Variants in GGTA1 observed in about 807,000 individuals in gnomAD.
The protein encoded by GGTA1 is glycoprotein alpha-galactosyltransferase 1 (inactive).
GGTA1 carries 5 observed loss-of-function variants against 2.6 expected under a neutral mutation model. That is an observed-to-expected ratio of 1.92 (90% CI 1.00 to 4.04). The LOEUF is 4.04. Among genes scored for constraint, GGTA1 ranks in the 30% most tolerant of loss-of-function variants. GGTA1 has a pLI of 0.00. For missense variants in GGTA1, 50 were observed against 16.7 expected, an observed-to-expected ratio of 2.99 and a Z score of -3.47; for synonymous variants, 17 against 5.0, an observed-to-expected ratio of 3.38 and a Z score of -3.19.
chr9:121,465,536 A>G (rs148299352), intron 2 of GGTA1, among the ~76,000 whole-genome samples: 52 of 152,312 alleles, frequency 3.4e-4, no homozygotes, highest in African/African-American at 1.2e-3. Context: ...AATTAGGTTT[A>G]GATGAGGTCG....
chr9:121,461,798 A>G (rs1291087011), intron 3 of GGTA1, among the ~76,000 whole-genome samples: 1 of 152,250 alleles, frequency 6.6e-6, no homozygotes, highest in Non-Finnish European at 1.5e-5. Flanking sequence ...TGACTGTAAC[A>G]AGTTATACGC....
chr9:121,496,757 A>AAGAGAG (rs1564659495), intron 1 of GGTA1, among the ~76,000 whole-genome samples: 32 of 111,996 alleles, frequency 2.9e-4, no homozygotes, highest in Non-Finnish European at 4.3e-4. Context: ...AAAAAAAAAA[A>AAGAGAG]AGAGAGAGAG....
chr9:121,486,458 A>G (rs1414176656), intron 1 of GGTA1, among the ~76,000 whole-genome samples: 2 of 151,926 alleles, frequency 1.3e-5, no homozygotes, highest in Admixed American at 6.6e-5. Context: ...AGCAGTCAGG[A>G]CTCCTGGGCT....
chr9:121,479,606 A>G (rs889393176), intron 1 of GGTA1, among the ~76,000 whole-genome samples: 1 of 152,144 alleles, frequency 6.6e-6, no homozygotes, highest in Non-Finnish European at 1.5e-5. Flanking sequence ...GGCCCACATC[A>G]CACACTACTG....
chr9:121,493,029 G>A (rs181317507), intron 1 of GGTA1, among the ~76,000 whole-genome samples: 1 of 151,904 alleles, frequency 6.6e-6, no homozygotes, highest in African/African-American at 2.4e-5. Flanking sequence ...CTGTACTTGG[G>A]AGGCTGAGAT....
chr9:121,448,513 T>G (rs1021980392), intron 7 of GGTA1, among the ~76,000 whole-genome samples: 2 of 152,276 alleles, frequency 1.3e-5, no homozygotes, highest in East Asian at 1.9e-4. Flanking sequence ...ATGAGCAACT[T>G]CTGATTTAAC....
chr9:121,492,222 T>G (rs1023645710), intron 1 of GGTA1, among the ~76,000 whole-genome samples: 1 of 152,218 alleles, frequency 6.6e-6, no homozygotes, highest in East Asian at 1.9e-4. Flanking sequence ...AGGTTTTTGG[T>G]TGGAGCATCC....
At chr9:121,463,638 G>A (rs1477400675) in intron 2 of GGTA1, among the ~76,000 whole-genome samples, 3 of 152,060 alleles carry the variant, frequency 2.0e-5, no homozygotes, top group Admixed American at 6.6e-5. Flanking sequence ...ATCCACCCCC[G>A]TTGGCCTCCC....
intron 1 of GGTA1, among the ~76,000 whole-genome samples, chr9:121,482,081 G>T (rs898733410): frequency 6.6e-6 from 1 of 151,724 alleles, no homozygotes; most frequent in African/African-American, 2.4e-5. Flanking sequence ...GTCTTTCCCC[G>T]CTAGGGCCAC....
At chr9:121,486,515 G>A (rs1342078219) in intron 1 of GGTA1, among the ~76,000 whole-genome samples, 1 of 152,194 alleles carries the variant, frequency 6.6e-6, no homozygotes, top group Non-Finnish European at 1.5e-5. Context: ...AACCCTCTGG[G>A]CCAGGGTTTC....
At position 121,467,853 on chromosome 9, in the gene GGTA1, A is replaced by T. The variant is rs1385735473; in HGVS notation, c.70T>A (p.Phe24Ile). 6 of 456,074 alleles carry T rather than the reference A, an allele frequency of 1.3e-5. No individual in the cohort carries two copies. The highest frequency in any genetic ancestry group is 9.3e-5 in the South Asian group (6 of 64,230). The allele number at this position is 456,074 out of a possible 1,614,324, so 28.3% of individuals were successfully genotyped here. The change falls in exon 2 of 6, where the codon TTT (phenylalanine) becomes ATT (isoleucine). Residue 24 changes from phenylalanine (F) to isoleucine (I), a missense_variant. Coordinates refer to ENST00000481799, the MANE Select transcript of GGTA1 (RefSeq NM_001382585.1). ...VSTVIIVFWEFINSTEGSFLW... is the reference protein window; with the variant it reads ...VSTVIIVFWEIINSTEGSFLW... ...ATGTTTCATAATTACCTGTTGATAA[A>T]TTCCCAAAACACAATGATCACAGTT...
exon 8 of GGTA1, chr9:121,446,823 GTTAAAA>G (rs1280593101): frequency 6.6e-6 from 1 of 152,174 alleles, no homozygotes; most frequent in Non-Finnish European, 1.5e-5. Context: ...ATTTTTTGAA[GTTAAAA>G]TTAAGTGTTA....
intron 1 of GGTA1, among the ~76,000 whole-genome samples, chr9:121,492,009 A>G (rs1268345088): frequency 1.3e-5 from 2 of 152,166 alleles, no homozygotes; most frequent in Non-Finnish European, 2.9e-5. Context: ...AGGACCTAGT[A>G]GGTGCTCAGT....
intron 2 of GGTA1, among the ~76,000 whole-genome samples, chr9:121,463,956 A>G (rs564056245): frequency 1.5e-3 from 235 of 152,280 alleles, no homozygotes; most frequent in Non-Finnish European, 2.6e-3. Context: ...TTAACTAATG[A>G]AGGCAGTGAG....
At chr9:121,480,141 C>T (rs1292547322) in intron 1 of GGTA1, among the ~76,000 whole-genome samples, 2 of 151,756 alleles carry the variant, frequency 1.3e-5, no homozygotes, top group African/African-American at 2.4e-5. Context: ...CTGCAAGCTC[C>T]GCCTCCCGGG....
intron 1 of GGTA1, among the ~76,000 whole-genome samples, chr9:121,489,506 T>C (rs1243005334): frequency 2.0e-5 from 3 of 152,212 alleles, no homozygotes; most frequent in Non-Finnish European, 4.4e-5. Context: ...ACTCTTGAAG[T>C]TACTTACATC....
intron 2 of GGTA1, among the ~76,000 whole-genome samples, chr9:121,465,621 T>C (rs1052134674): frequency 2.0e-4 from 25 of 127,500 alleles, no homozygotes; most frequent in Non-Finnish European, 3.6e-4. Context: ...TTGCTCTCCA[T>C]CACGTGTGGA....
In GGTA1 at chr9:121,492,052, G is replaced by A. The variant is rs180956799; in HGVS notation, c.-10+7598C>T. Among the ~76,000 whole-genome samples, 34 of 152,296 alleles carry A rather than the reference G, an allele frequency of 2.2e-4. 1 individual carries two copies. The East Asian group carries it at 5.6e-3, about 25-fold the overall frequency. On this transcript the variant is annotated intron_variant, in intron 1 of 5. Transcript: ENST00000481799. ...GGGTGAATTTATAAATGAATGAATG[G>A]ATTTGTGGTAGCTCAGTGAATGCTG...
chr9:121,456,109 G>A (rs545106562), intron 5 of GGTA1, among the ~76,000 whole-genome samples: 3 of 152,232 alleles, frequency 2.0e-5, no homozygotes, highest in East Asian at 3.9e-4. Context: ...AAGAAGTGAC[G>A]GAGGGCAGCT....
Sources: allele counts gnomAD v4.1 joint callset (sites outside exome capture counted in the v4.1 genomes callset), GRCh38; gene constraint gnomAD v4.1.1; transcripts MANE v1.5; gene names NCBI Gene and HGNC (gene_info 2026-07-23, HGNC 2026-07-21).